The following CAMK1D variants were observed in gnomAD, a reference collection of about 807,000 sequenced individuals.
The protein encoded by CAMK1D is calcium/calmodulin-dependent protein kinase type 1D.
In CAMK1D, 9 loss-of-function variants were observed where a neutral mutation model predicts 47.7. The observed-to-expected ratio is 0.19, with a 90% confidence interval of 0.11 to 0.33. CAMK1D has a LOEUF of 0.33. Among genes scored for constraint, CAMK1D ranks in the 10% least tolerant of loss-of-function variants. The pLI, the probability that CAMK1D is intolerant of heterozygous loss-of-function variation, is 1.00. For missense variants in CAMK1D, 291 were observed against 488.7 expected, an observed-to-expected ratio of 0.60 and a Z score of 3.81; for synonymous variants, 184 against 184.9, an observed-to-expected ratio of 0.99 and a Z score of 0.04.
chr10:12,641,387 T>C (rs1251317532), intron 2 of CAMK1D, among the ~76,000 whole-genome samples: 1 of 152,172 alleles, frequency 6.6e-6, no homozygotes, highest in African/African-American at 2.4e-5. Flanking sequence ...TTTAGGAGAC[T>C]GAGGCAAGAG....
intron 1 of CAMK1D, among the ~76,000 whole-genome samples, chr10:12,363,998 CTG>C (rs1026021110): frequency 2.6e-5 from 4 of 152,104 alleles, no homozygotes; most frequent in African/African-American, 4.8e-5. Context: ...GATGGTCATT[CTG>C]TGTTTTATTT....
intron 1 of CAMK1D, among the ~76,000 whole-genome samples, chr10:12,375,467 C>T (rs573781464): frequency 1.3e-5 from 2 of 152,210 alleles, no homozygotes; most frequent in African/African-American, 2.4e-5. Context: ...TGCCTCCCCC[C>T]TCACCTGTTT....
intron 1 of CAMK1D, among the ~76,000 whole-genome samples, chr10:12,401,119 A>T (rs12249346): frequency 1.3e-5 from 1 of 75,322 alleles, no homozygotes; most frequent in African/African-American, 5.7e-5. Context: ...TATATATATA[A>T]TATATGTATT....
rs1564414542 is a variant in CAMK1D, at chr10:12,563,700, G to GAGA, written c.224+10344_224+10345insAGA. On this transcript the variant is annotated intron_variant, in intron 2 of 10. Transcript: ENST00000619168. ...GAGAGAGAGAGAGAGAGAGAGAGAG[G>GAGA]GAGAGAGAGGGAGAGAGAGAATGAG... Among the ~76,000 whole-genome samples the GAGA allele has an allele frequency of 3.3e-3, 284 of 85,160 alleles. 2 individuals are homozygous for GAGA. Among genetic ancestry groups the GAGA allele is most frequent in the South Asian group, 8.2e-3 (25 of 3,042 alleles). The allele number at this position is 85,160 out of a possible 152,430, so 55.9% of individuals were successfully genotyped here.
At chr10:12,374,899 C>T (rs1588419077) in intron 1 of CAMK1D, among the ~76,000 whole-genome samples, 1 of 147,350 alleles carries the variant, frequency 6.8e-6, no homozygotes, top group Non-Finnish European at 1.5e-5. Context: ...GCCAAGATCA[C>T]GCCATTGCAC....
chr10:12,524,657 A>T lies in CAMK1D; in HGVS notation c.93-28568A>T, dbSNP rs1299724603. ...AGGAGGCAGAGCTTGCAGTGAGCCAAGATGGCACCACTGCACTCCAGCCTG... is the reference window on the plus strand; with the variant it reads ...AGGAGGCAGAGCTTGCAGTGAGCCATGATGGCACCACTGCACTCCAGCCTG... On this transcript the variant is annotated intron_variant, in intron 1 of 10. Transcript: ENST00000619168. Among the ~76,000 whole-genome samples the T allele has an allele frequency of 3.3e-5, 5 of 152,136 alleles. No homozygotes were observed. The East Asian group carries it at 9.7e-4, about 29-fold the overall frequency.
intron 1 of CAMK1D, among the ~76,000 whole-genome samples, chr10:12,535,712 C>T (rs1295856556): frequency 2.6e-5 from 4 of 152,208 alleles, no homozygotes; most frequent in Non-Finnish European, 4.4e-5. Context: ...TTGATTTTGG[C>T]TGGCAGAGTT....
chr10:12,815,619 G>C (rs575763752), intron 7 of CAMK1D, among the ~76,000 whole-genome samples: 1 of 152,376 alleles, frequency 6.6e-6, no homozygotes, highest in South Asian at 2.1e-4. Flanking sequence ...CCTGACCCAT[G>C]ATGTCATCAG....
intron 1 of CAMK1D, among the ~76,000 whole-genome samples, chr10:12,384,530 C>T (rs999732142): frequency 2.6e-5 from 4 of 152,128 alleles, no homozygotes; most frequent in African/African-American, 9.7e-5. Context: ...TAAACTCTCA[C>T]ATTTATGGTT....
intron 3 of CAMK1D, among the ~76,000 whole-genome samples, chr10:12,713,882 G>T (rs1291919700): frequency 6.6e-6 from 1 of 152,236 alleles, no homozygotes; most frequent in Non-Finnish European, 1.5e-5. Context: ...TAATTATCCA[G>T]TGGGCTCATG....
intron 2 of CAMK1D, among the ~76,000 whole-genome samples, chr10:12,660,070 C>A (rs1335942987): frequency 6.6e-6 from 1 of 152,224 alleles, no homozygotes; most frequent in African/African-American, 2.4e-5. Flanking sequence ...ATCTGGCGTT[C>A]ATAACCTAAG....
At chr10:12,572,046 C>CT (rs1032412496) in intron 2 of CAMK1D, among the ~76,000 whole-genome samples, 5 of 149,508 alleles carry the variant, frequency 3.3e-5, no homozygotes, top group Non-Finnish European at 5.9e-5. Context: ...TAAACCCCCC[C>CT]CCAAAAAAAA....
At chr10:12,484,381 G>C (rs1210781052) in intron 1 of CAMK1D, among the ~76,000 whole-genome samples, 1 of 152,218 alleles carries the variant, frequency 6.6e-6, no homozygotes, top group Non-Finnish European at 1.5e-5. Context: ...GAGATCCTGG[G>C]CTAAAACAGG....
At chr10:12,766,892 G>C (rs990143367) in intron 4 of CAMK1D, among the ~76,000 whole-genome samples, 2 of 152,118 alleles carry the variant, frequency 1.3e-5, no homozygotes, top group Non-Finnish European at 1.5e-5. Flanking sequence ...AGGAGAGCAG[G>C]GGAGTCAGAG....
Position 12,432,769 on chromosome 10 carries a change from T to C in CAMK1D, c.92+82859T>C, listed in dbSNP as rs115962900. Among the ~76,000 whole-genome samples the C allele has an allele frequency of 2.2e-3, 338 of 152,326 alleles. 1 individual carries two copies. The highest frequency in any genetic ancestry group is 7.7e-3 in the African/African-American group (321 of 41,572). On this transcript the variant is annotated intron_variant, in intron 1 of 10. Transcript: ENST00000619168. ...TGCTTGCACCCTGAAGATTCCCCAT[T>C]GTCCACCCTTACCGTGTCCTTGTCA... is the stretch of plus-strand genomic sequence containing the variant.
chr10:12,823,140 G>T (rs183411921), intron 8 of CAMK1D, among the ~76,000 whole-genome samples: 1 of 152,288 alleles, frequency 6.6e-6, no homozygotes, highest in East Asian at 1.9e-4. Flanking sequence ...ATATGCCTGA[G>T]CCGTGTTCCT....
At chr10:12,778,375 T>TACA (rs986013686) in intron 5 of CAMK1D, among the ~76,000 whole-genome samples, 1 of 152,180 alleles carries the variant, frequency 6.6e-6, no homozygotes, top group African/African-American at 2.4e-5. Context: ...GCCTGGATTG[T>TACA]ACACACCCTT....
At chr10:12,439,997 G>A (rs1252203482) in intron 1 of CAMK1D, among the ~76,000 whole-genome samples, 2 of 152,182 alleles carry the variant, frequency 1.3e-5, no homozygotes, top group African/African-American at 2.4e-5. Flanking sequence ...AGAACAGTAT[G>A]GGGGAAACCA....
intron 3 of CAMK1D, among the ~76,000 whole-genome samples, chr10:12,681,498 A>G (rs1008654619): frequency 1.1e-4 from 16 of 152,272 alleles, no homozygotes; most frequent in African/African-American, 1.7e-4. Flanking sequence ...AGGAAACCAC[A>G]TTGTCGGATG....
Sources: gnomAD v4.1 joint callset for allele counts (sites outside exome capture counted in the v4.1 genomes callset) on GRCh38, gnomAD v4.1.1 for gene constraint, MANE v1.5 for transcripts, NCBI Gene and HGNC (gene_info 2026-07-23, HGNC 2026-07-21) for gene names.